The following RNF111 variants were observed in gnomAD, a reference collection of about 807,000 sequenced individuals.
RNF111 encodes the protein E3 ubiquitin-protein ligase Arkadia.
Under a neutral mutation model 95.1 loss-of-function variants are expected in RNF111, and 17 were observed. The ratio of observed to expected loss-of-function variants is 0.18; its 90% confidence interval spans 0.12 to 0.27. The LOEUF is 0.27. Among genes scored for constraint, RNF111 ranks in the 10% least tolerant of loss-of-function variants. RNF111 has a pLI of 1.00. For synonymous variants in RNF111, 440 were observed against 414.8 expected, an observed-to-expected ratio of 1.06 and a Z score of -0.74; for missense variants, 1,189 against 1,210.4, an observed-to-expected ratio of 0.98 and a Z score of 0.26.
chr15:59,066,279 A>G lies in RNF111; in HGVS notation c.1367-485A>G, dbSNP rs1399545720. 2.6e-5 allele frequency among the ~76,000 whole-genome samples: 4 copies of G among 152,208 alleles called. No homozygotes were observed. In the South Asian group the frequency reaches 6.2e-4, roughly 24 times the overall value. On this transcript the variant is annotated intron_variant, in intron 5 of 13. Transcript: ENST00000348370. ...GAGTTTCAGGAAAATCCCAGTGAAG[A>G]CCACTGCATAAAATCATATGATGTA...
intron 5 of RNF111, among the ~76,000 whole-genome samples, chr15:59,066,538 A>G (rs1164255852): frequency 6.6e-6 from 1 of 152,084 alleles, no homozygotes; most frequent in Non-Finnish European, 1.5e-5. Context: ...TGAACCCAGG[A>G]GGCGGAGGTT....
intron 5 of RNF111, among the ~76,000 whole-genome samples, chr15:59,061,355 A>G (rs185383269): frequency 6.6e-6 from 1 of 152,082 alleles, no homozygotes; most frequent in African/African-American, 2.4e-5. Flanking sequence ...CCTCACATTC[A>G]AGCCATCTAG....
chr15:59,042,769 C>T (rs1305858801), intron 2 of RNF111, among the ~76,000 whole-genome samples: 1 of 152,050 alleles, frequency 6.6e-6, no homozygotes, highest in Non-Finnish European at 1.5e-5. Context: ...GTTTTTACTC[C>T]GTCTTATTGC....
intron 2 of RNF111, among the ~76,000 whole-genome samples, chr15:59,036,863 T>C (rs1427903056): frequency 2.0e-5 from 3 of 152,188 alleles, no homozygotes; most frequent in Non-Finnish European, 2.9e-5. Flanking sequence ...GACAGTCTTA[T>C]CTGTTGTCCA....
intron 7 of RNF111, 145 bp downstream of exon 7, chr15:59,076,360 G>T (rs1490757107): frequency 1.1e-6 from 1 of 922,612 alleles, no homozygotes; most frequent in Non-Finnish European, 1.6e-6. Context: ...TCCCATGTTA[G>T]TATTATGTAA....
In RNF111 at chr15:59,094,773, CCAAT is replaced by C; in HGVS notation, c.2844-9_2844-6del. The C allele has an allele frequency of 6.6e-7, 1 of 1,509,694 alleles. No homozygotes were observed. The highest frequency in any genetic ancestry group is 9.2e-7 in the Non-Finnish European group (1 of 1,085,330). The allele number at this position is 1,509,694 out of a possible 1,614,324, so 93.5% of individuals were successfully genotyped here. ...TTAATTTTTGCTTTTTGTTTTCTTGCCAATAATAGACGTCTTCCATGTATGCACC... is the reference window on the plus strand; with the variant it reads ...TTAATTTTTGCTTTTTGTTTTCTTGCAATAGACGTCTTCCATGTATGCACC... On this transcript the variant is annotated splice_polypyrimidine_tract_variant and splice_region_variant and intron_variant, in intron 13 of 13. Coordinates refer to ENST00000348370, the MANE Select transcript of RNF111 (RefSeq NM_017610.8).
chr15:59,056,653 T>C lies in RNF111; in HGVS notation c.1171+808T>C, dbSNP rs2042211388. On this transcript the variant is annotated intron_variant, in intron 4 of 13. Coordinates refer to ENST00000348370, the MANE Select transcript of RNF111 (RefSeq NM_017610.8). ...GCTCTTCTATGGGCTATTTGCAGTT[T>C]GGGTGGTCATAACTTTCAGAGTATC... Among the ~76,000 whole-genome samples the C allele has an allele frequency of 2.0e-5, 3 of 152,282 alleles. No individual in the cohort carries two copies. In the South Asian group the frequency reaches 6.2e-4, roughly 32 times the overall value.
At chr15:59,084,679 A>G (rs572436166) in intron 9 of RNF111, among the ~76,000 whole-genome samples, 20 of 152,226 alleles carry the variant, frequency 1.3e-4, no homozygotes, top group African/African-American at 4.8e-4. Flanking sequence ...TCTTCACTGT[A>G]GTCACCATGC....
Position 59,091,051 on chromosome 15 carries a change from A to T in RNF111, c.2644-8A>T, listed in dbSNP as rs1244459945. On this transcript the variant is annotated splice_region_variant and splice_polypyrimidine_tract_variant and intron_variant, in intron 11 of 13. Transcript: ENST00000348370. Reference sequence around the variant, plus strand: ...GCTTTTACCAGTCATTATATTCTTCACTTTCAGGAACTGATTCATTTGGAA... The same window carrying T: ...GCTTTTACCAGTCATTATATTCTTCTCTTTCAGGAACTGATTCATTTGGAA... The T allele has an allele frequency of 6.4e-7, 1 of 1,565,202 alleles. No homozygotes were observed. Among genetic ancestry groups the T allele is most frequent in the Admixed American group, 1.7e-5 (1 of 59,192 alleles).
intron 2 of RNF111, among the ~76,000 whole-genome samples, chr15:59,040,315 A>G (rs1054020803): frequency 6.6e-6 from 1 of 151,596 alleles, no homozygotes; most frequent in East Asian, 1.9e-4. Flanking sequence ...TTTTTTAGAG[A>G]TGAGATCTTC....
chr15:59,018,236 G>A (rs1399523858), intron 1 of RNF111, among the ~76,000 whole-genome samples: 1 of 152,304 alleles, frequency 6.6e-6, no homozygotes, highest in Non-Finnish European at 1.5e-5. Flanking sequence ...ACTAACATCA[G>A]TAACTAAAAA....
chr15:59,005,749 G>C (rs765520218), intron 1 of RNF111, among the ~76,000 whole-genome samples: 3 of 152,164 alleles, frequency 2.0e-5, no homozygotes, highest in Non-Finnish European at 2.9e-5. Flanking sequence ...GCTTGTGGAC[G>C]TCTTTGCCTG....
chr15:59,083,992 T>A (rs1262364203), intron 8 of RNF111, 137 bp from the exon 9 acceptor site: 2 of 613,912 alleles, frequency 3.3e-6, no homozygotes, highest in Non-Finnish European at 4.7e-6. Context: ...GTTTTTATAA[T>A]TTATTATAAA....
intron 1 of RNF111, among the ~76,000 whole-genome samples, chr15:58,990,103 C>T (rs2038744501): frequency 6.6e-6 from 1 of 152,106 alleles, no homozygotes; most frequent in Non-Finnish European, 1.5e-5. Context: ...GACAGGAGAT[C>T]TAGATTTTAG....
At chr15:58,989,100 A>G (rs1168533804) in intron 1 of RNF111, among the ~76,000 whole-genome samples, 5 of 152,082 alleles carry the variant, frequency 3.3e-5, no homozygotes, top group Non-Finnish European at 5.9e-5. Flanking sequence ...TGATTTTGAG[A>G]TTACCATACA....
At chr15:59,060,569 A>C (rs2042390744) in intron 5 of RNF111, among the ~76,000 whole-genome samples, 1 of 152,204 alleles carries the variant, frequency 6.6e-6, no homozygotes, top group Admixed American at 6.5e-5. Flanking sequence ...TGACAAGTTG[A>C]GGCTACAGTG....
Position 59,039,262 on chromosome 15 carries a change from C to T in RNF111, c.880+7560C>T, listed in dbSNP as rs184631342. On this transcript the variant is annotated intron_variant, in intron 2 of 13. Coordinates refer to ENST00000348370, the MANE Select transcript of RNF111 (RefSeq NM_017610.8). ...TACAGGTGTGAGCCACCACTCCCGGCCTTGATATTCTAATTCTATCATTTT... is the reference window on the plus strand; with the variant it reads ...TACAGGTGTGAGCCACCACTCCCGGTCTTGATATTCTAATTCTATCATTTT... 2.7e-4 allele frequency among the ~76,000 whole-genome samples: 41 copies of T among 152,224 alleles called. No homozygotes were observed. The East Asian group carries it at 5.8e-3, about 22-fold the overall frequency.
intron 1 of RNF111, among the ~76,000 whole-genome samples, chr15:59,029,910 T>A (rs1308554203): frequency 6.6e-6 from 1 of 152,234 alleles, no homozygotes; most frequent in Non-Finnish European, 1.5e-5. Flanking sequence ...TTAACATTGT[T>A]TATTCATGTT....
chr15:59,078,552 TAAAAAAAAAAAA>T (rs56959347), intron 7 of RNF111, among the ~76,000 whole-genome samples: 8 of 94,472 alleles, frequency 8.5e-5, no homozygotes, highest in African/African-American at 3.3e-4. Flanking sequence ...AACCTGTCTC[TAAAAAAAAAAAA>T]AAAAAAAAAA....
Sources: gnomAD v4.1 joint callset for allele counts (sites outside exome capture counted in the v4.1 genomes callset) on GRCh38, gnomAD v4.1.1 for gene constraint, MANE v1.5 for transcripts, NCBI Gene and HGNC (gene_info 2026-07-23, HGNC 2026-07-21) for gene names.